SFXN1: variants seen among roughly 807,000 people sequenced by gnomAD.
SFXN1 encodes sideroflexin 1.
In SFXN1, 32 loss-of-function variants were observed where a neutral mutation model predicts 39.5. That is an observed-to-expected ratio of 0.81 (90% confidence interval 0.61 to 1.09). The LOEUF (loss-of-function observed/expected upper bound fraction) is 1.09, where lower values mean the gene tolerates loss of function less well. Ranked by LOEUF, SFXN1 falls within the 50% of genes least tolerant of loss-of-function variation. The pLI, the probability that SFXN1 is intolerant of heterozygous loss-of-function variation, is 0.00. For missense variants in SFXN1, 402 were observed against 407.1 expected (o/e 0.99, Z 0.11); for synonymous variants, 136 against 146.5 (o/e 0.93, Z 0.52).
intron 1 of SFXN1, among the ~76,000 whole-genome samples, chr5:175,486,943 T>G (rs1045302610): frequency 1.3e-5 from 2 of 152,216 alleles, no homozygotes; most frequent in African/African-American, 4.8e-5. Flanking sequence ...TTATTTATGT[T>G]AAGCATGAAG....
chr5:175,511,441 TTC>T lies in SFXN1; in HGVS notation c.435-8_435-7del. 6.2e-7 allele frequency: 1 copy of T among 1,613,420 alleles called. No individual in the cohort carries two copies. The highest frequency in any genetic ancestry group is 8.5e-7 in the Non-Finnish European group (1 of 1,179,418). On this transcript the variant is annotated splice_polypyrimidine_tract_variant and splice_region_variant and intron_variant, in intron 4 of 10. Transcript: ENST00000321442. ...CTCGTCGTCCACACGATATCCTTTT[TTC>T]TTTTCAGTGAGTTGGGAACAGCTTA...
chr5:175,511,713 T>G, intron 5 of SFXN1, 187 bp downstream of exon 5: 1 of 604,640 alleles, frequency 1.7e-6, no homozygotes, highest in Non-Finnish European at 2.9e-6. Context: ...CAGTAACACC[T>G]ACCAGGACTG....
chr5:175,492,022 G>C, intron 1 of SFXN1, 73 bp from the exon 2 acceptor site: 1 of 1,179,494 alleles, frequency 8.5e-7, no homozygotes, highest in Admixed American at 2.8e-5. Flanking sequence ...AAAATTTAAG[G>C]TGACTGTAAA....
rs1324332287 is a variant in SFXN1 at position 175,528,556 on chromosome 5, T to C, written c.*1822T>C. The stretch of plus-strand genomic sequence containing the variant: ...ATAGAAACTATTTAGTTTTGGTAGA[T>C]TTTTTTTCTGACAATGTGACCAGAC... On this transcript the variant is annotated 3_prime_UTR_variant, in exon 11 of 11. Transcript: ENST00000321442. The C allele has an allele frequency of 2.6e-5, 4 of 152,016 alleles. No individual in the cohort carries two copies. Among genetic ancestry groups the C allele is most frequent in the African/African-American group, 9.7e-5 (4 of 41,380 alleles). 9.4% of individuals were successfully genotyped at this position (152,016 alleles called of 1,614,324 possible).
At chr5:175,503,874 C>T (rs752039639) in intron 2 of SFXN1, among the ~76,000 whole-genome samples, 5 of 151,872 alleles carry the variant, frequency 3.3e-5, no homozygotes, top group South Asian at 2.1e-4. Flanking sequence ...CATGGTGGCA[C>T]GCACCTGTAA....
At chr5:175,518,183 T>C (rs1054993421) in intron 8 of SFXN1, among the ~76,000 whole-genome samples, 1 of 152,150 alleles carries the variant, frequency 6.6e-6, no homozygotes, top group Non-Finnish European at 1.5e-5. Context: ...TAGTTCCTGT[T>C]GTCTCTTTAA....
At chr5:175,483,345 TTTTTAAGTCCCAC>T (rs1759326249) in intron 1 of SFXN1, among the ~76,000 whole-genome samples, 1 of 152,202 alleles carries the variant, frequency 6.6e-6, no homozygotes, top group African/African-American at 2.4e-5. Flanking sequence ...CCACAGAATT[TTTTTAAGTCCCAC>T]TTTTTTCTCA....
chr5:175,487,925 C>G (rs137993239), intron 1 of SFXN1, among the ~76,000 whole-genome samples: 4 of 152,136 alleles, frequency 2.6e-5, no homozygotes, highest in Non-Finnish European at 5.9e-5. Context: ...CCTGCTGGCA[C>G]CATTGAAGAA....
At chr5:175,502,558 G>A (rs921429912) in intron 2 of SFXN1, among the ~76,000 whole-genome samples, 6 of 152,180 alleles carry the variant, frequency 3.9e-5, no homozygotes, top group African/African-American at 1.4e-4. Flanking sequence ...ATAACGTACT[G>A]GCCGGGCACA....
chr5:175,506,723 G>A (rs1405224351), intron 2 of SFXN1, among the ~76,000 whole-genome samples: 1 of 152,056 alleles, frequency 6.6e-6, no homozygotes, highest in Non-Finnish European at 1.5e-5. Context: ...CTGGAGTGCA[G>A]TAGCACAATC....
chr5:175,502,022 T>C (rs1156432941), intron 2 of SFXN1, among the ~76,000 whole-genome samples: 1 of 152,176 alleles, frequency 6.6e-6, no homozygotes, highest in African/African-American at 2.4e-5. Flanking sequence ...TGGGGAGTGC[T>C]GGTTGGTCAG....
chr5:175,483,151 C>T (rs950674469), intron 1 of SFXN1, among the ~76,000 whole-genome samples: 13 of 152,036 alleles, frequency 8.6e-5, no homozygotes, highest in Admixed American at 7.2e-4. Flanking sequence ...AAATTATTTC[C>T]GTCTCTTTTT....
intron 6 of SFXN1, 78 bp from the exon 7 acceptor site, chr5:175,513,385 T>G: frequency 6.6e-7 from 1 of 1,514,870 alleles, no homozygotes. Flanking sequence ...AGAGGGTTGA[T>G]CTTTCCCAAC....
In SFXN1 at chr5:175,492,251, A is replaced by G. The variant is rs1253205505; in HGVS notation, c.148A>G (p.Ile50Val). 3 of 1,611,382 alleles carry G rather than the reference A, an allele frequency of 1.9e-6. No homozygotes were observed. The highest frequency in any genetic ancestry group is 2.5e-6 in the Non-Finnish European group (3 of 1,179,398). Residue 50 changes from isoleucine (I) to valine (V), a missense_variant, in exon 2 of 11, where the codon ATA (isoleucine) becomes GTA (valine). Ile to Val is a conservative substitution (Grantham distance 29). Transcript: ENST00000321442. ...CGAACAACTCGAGAGTGCGAGAAAA[A>G]TAGTACATGATTACAGGTAACATTA... ...TNEQLESARK[I>V]VHDYRQGIVP...
rs1006846722 is a variant in SFXN1 at position 175,528,168 on chromosome 5, C to T, written c.*1434C>T. ...TCGTGATCCGCCCGCCTTGGCCTCCCAAGGTGCTGGGATTACAAGCGTGAG... is the reference window on the plus strand; with the variant it reads ...TCGTGATCCGCCCGCCTTGGCCTCCTAAGGTGCTGGGATTACAAGCGTGAG... On this transcript the variant is annotated 3_prime_UTR_variant, in exon 11 of 11. Transcript: ENST00000321442. 2.0e-5 allele frequency: 3 copies of T among 152,086 alleles called. No individual in the cohort carries two copies. Among genetic ancestry groups the T allele is most frequent in the Non-Finnish European group, 4.4e-5 (3 of 68,028 alleles). The allele number at this position is 152,086 out of a possible 1,614,324, so 9.4% of individuals were successfully genotyped here. A position where few individuals can be genotyped will look rare whatever the true frequency, so the allele number is the denominator to read the frequency against.
intron 1 of SFXN1, chr5:175,491,672 A>G (rs907135075): frequency 6.5e-6 from 1 of 153,030 alleles, no homozygotes; most frequent in Non-Finnish European, 1.5e-5. Context: ...TTTTTTGTAG[A>G]GATGGGGTCT....
Position 175,509,973 on chromosome 5 carries a change from C to T in SFXN1, c.336-136C>T, listed in dbSNP as rs1323846634. 6.0e-6 allele frequency: 4 copies of T among 668,038 alleles called. No homozygotes were observed. The Admixed American group carries it at 1.0e-4, about 17-fold the overall frequency. The allele number at this position is 668,038 out of a possible 1,614,324, so 41.4% of individuals were successfully genotyped here. On this transcript the variant is annotated intron_variant, in intron 3 of 10. Transcript: ENST00000321442. Reference sequence around the variant, plus strand: ...ATAAAAGCTTGCCCAGCACACAGATCCTAAGCCTGTGTGGCCTTATGGCTT... The same window carrying T: ...ATAAAAGCTTGCCCAGCACACAGATTCTAAGCCTGTGTGGCCTTATGGCTT...
intron 2 of SFXN1, among the ~76,000 whole-genome samples, chr5:175,502,067 T>C (rs190187626): frequency 5.9e-5 from 9 of 152,074 alleles, no homozygotes; most frequent in Admixed American, 5.2e-4. Context: ...TGAAGCAAGG[T>C]TTTTTAATGT....
intron 2 of SFXN1, among the ~76,000 whole-genome samples, chr5:175,505,893 C>T (rs963967127): frequency 3.9e-5 from 6 of 152,130 alleles, no homozygotes; most frequent in African/African-American, 1.4e-4. Context: ...TGTCTTGACT[C>T]ACTGCAATCT....
Sources: allele counts gnomAD v4.1 joint callset (sites outside exome capture counted in the v4.1 genomes callset), GRCh38; gene constraint gnomAD v4.1.1; transcripts MANE v1.5; gene names NCBI Gene and HGNC (gene_info 2026-07-23, HGNC 2026-07-21).